The following CNTNAP2 variants were observed in gnomAD, a reference collection of about 807,000 sequenced individuals.
The protein encoded by CNTNAP2 is contactin associated protein 2, also known as contactin-associated protein-like 2.
Under a neutral mutation model 155.2 loss-of-function variants are expected in CNTNAP2, and 98 were observed. The observed-to-expected ratio is 0.63, with a 90% confidence interval of 0.54 to 0.75. CNTNAP2 has a LOEUF of 0.75. CNTNAP2 is among the 30% of genes least tolerant of loss of function. The pLI, the probability that CNTNAP2 is intolerant of heterozygous loss-of-function variation, is 0.00. For missense variants in CNTNAP2, 1,727 were observed against 1,688.1 expected (o/e 1.02, Z -0.40); for synonymous variants, 651 against 631.2 (o/e 1.03, Z -0.47).
chr7:147,724,516 G>A (rs1351043076), intron 13 of CNTNAP2, among the ~76,000 whole-genome samples: 1 of 152,024 alleles, frequency 6.6e-6, no homozygotes, highest in Non-Finnish European at 1.5e-5. Flanking sequence ...GCCTCTTTAA[G>A]TGACAGCTAG....
chr7:147,054,589 A>G (rs960374927), intron 4 of CNTNAP2, among the ~76,000 whole-genome samples: 3 of 152,182 alleles, frequency 2.0e-5, no homozygotes, highest in South Asian at 2.1e-4. Context: ...GCAAATATAT[A>G]TAAGTGATTC....
At chr7:146,136,236 C>G (rs1001276664) in intron 1 of CNTNAP2, among the ~76,000 whole-genome samples, 15 of 152,242 alleles carry the variant, frequency 9.9e-5, no homozygotes, top group South Asian at 4.1e-4. Context: ...ACATTGCATA[C>G]TGCCAGAAAT....
At chr7:147,549,146 T>G (rs556730885) in intron 11 of CNTNAP2, among the ~76,000 whole-genome samples, 1 of 152,302 alleles carries the variant, frequency 6.6e-6, no homozygotes, top group Non-Finnish European at 1.5e-5. Flanking sequence ...AGAATGTCAA[T>G]GGTAGTTTGA....
intron 3 of CNTNAP2, among the ~76,000 whole-genome samples, chr7:146,993,493 C>T (rs1035368600): frequency 1.3e-5 from 2 of 152,000 alleles, no homozygotes; most frequent in African/African-American, 4.8e-5. Context: ...GGTTTTTTTT[C>T]TATCTATTGG....
chr7:147,057,725 C>T (rs1425682563), intron 4 of CNTNAP2, among the ~76,000 whole-genome samples: 1 of 152,116 alleles, frequency 6.6e-6, no homozygotes, highest in Non-Finnish European at 1.5e-5. Flanking sequence ...TAAAGTGTCA[C>T]CTAGAAATCA....
At chr7:147,351,836 T>C (rs1041125851) in intron 9 of CNTNAP2, among the ~76,000 whole-genome samples, 6 of 151,898 alleles carry the variant, frequency 4.0e-5, no homozygotes, top group Non-Finnish European at 8.8e-5. Context: ...ATGAATCTGA[T>C]TCCCCAAGAC....
chr7:148,409,020 C>T (rs2116713806), intron 22 of CNTNAP2, among the ~76,000 whole-genome samples: 1 of 152,300 alleles, frequency 6.6e-6, no homozygotes, highest in East Asian at 1.9e-4. Context: ...TTGAATGCCA[C>T]CAGTTGTGCA....
intron 14 of CNTNAP2, among the ~76,000 whole-genome samples, chr7:147,961,028 G>T (rs1801111658): frequency 6.6e-6 from 1 of 152,106 alleles, no homozygotes; most frequent in Non-Finnish European, 1.5e-5. Context: ...GAAGTCCAGT[G>T]TATTCCCTTT....
intron 21 of CNTNAP2, among the ~76,000 whole-genome samples, chr7:148,382,646 C>T (rs1366269307): frequency 6.6e-6 from 1 of 152,184 alleles, no homozygotes; most frequent in African/African-American, 2.4e-5. Flanking sequence ...CCTGCCTCAG[C>T]GCCGGGGCAA....
rs540808798 is a variant in CNTNAP2 at position 146,246,215 on chromosome 7, T to G, written c.97+129242T>G. The stretch of plus-strand genomic sequence containing the variant: ...GGTCGCCAAGGAGGGAGTAGAAGTA[T>G]CTTATACTTGTGGGTTAAGGTGGGG... On this transcript the variant is annotated intron_variant, in intron 1 of 23. Transcript: ENST00000361727. Among the ~76,000 whole-genome samples, 235 of 150,840 alleles carry G rather than the reference T, an allele frequency of 1.6e-3. 1 individual carries two copies. The Middle Eastern group carries it at 0.028, about 18-fold the overall frequency.
chr7:146,207,181 T>C (rs1253199778), intron 1 of CNTNAP2, among the ~76,000 whole-genome samples: 1 of 152,022 alleles, frequency 6.6e-6, no homozygotes, highest in Non-Finnish European at 1.5e-5. Flanking sequence ...TTCTAATTTA[T>C]TGTGACCCCA....
intron 11 of CNTNAP2, among the ~76,000 whole-genome samples, chr7:147,558,688 C>T (rs995286326): frequency 1.0e-4 from 15 of 147,998 alleles, no homozygotes; most frequent in Non-Finnish European, 1.8e-4. Flanking sequence ...TTTTTTCCTT[C>T]GTTCGTTCTT....
At chr7:147,303,845 G>A (rs1794983642) in intron 9 of CNTNAP2, among the ~76,000 whole-genome samples, 1 of 152,132 alleles carries the variant, frequency 6.6e-6, no homozygotes, top group Admixed American at 6.5e-5. Flanking sequence ...GCCTCACAAG[G>A]AACACTGGAG....
At chr7:146,454,334 T>C (rs1248587488) in intron 1 of CNTNAP2, among the ~76,000 whole-genome samples, 2 of 152,182 alleles carry the variant, frequency 1.3e-5, no homozygotes, top group Non-Finnish European at 2.9e-5. Context: ...AGGTGACATA[T>C]AACAAATAAC....
chr7:147,314,193 ATGGGAAAATTTGAAGTGTTTT>A (rs1422254582), intron 9 of CNTNAP2, among the ~76,000 whole-genome samples: 21 of 152,288 alleles, frequency 1.4e-4, no homozygotes, highest in Admixed American at 3.9e-4. Flanking sequence ...TGAATATCTA[ATGGGAAAATTTGAAGTGTTTT>A]TGGGGAAATT....
At chr7:146,757,034 T>A (rs1037841799) in intron 1 of CNTNAP2, among the ~76,000 whole-genome samples, 1 of 152,136 alleles carries the variant, frequency 6.6e-6, no homozygotes, top group Non-Finnish European at 1.5e-5. Flanking sequence ...TAAGGATGCA[T>A]CATTTTTAAA....
intron 11 of CNTNAP2, among the ~76,000 whole-genome samples, chr7:147,507,153 G>A (rs571027727): frequency 8.6e-5 from 13 of 152,018 alleles, no homozygotes; most frequent in South Asian, 2.1e-4. Flanking sequence ...CTCTCTCCCC[G>A]CTCTGCTTCC....
intron 3 of CNTNAP2, among the ~76,000 whole-genome samples, chr7:146,860,749 G>GA (rs965432853): frequency 2.1e-3 from 314 of 146,292 alleles, no homozygotes; most frequent in Non-Finnish European, 3.3e-3. Flanking sequence ...TCTTGGAACA[G>GA]AAAAAAAAAA....
At chr7:147,781,659 G>A (rs1797662998) in intron 13 of CNTNAP2, among the ~76,000 whole-genome samples, 1 of 152,148 alleles carries the variant, frequency 6.6e-6, no homozygotes, top group Admixed American at 6.5e-5. Context: ...TTAGAACTTA[G>A]ATTAAATCTC....
Sources: allele counts gnomAD v4.1 joint callset (sites outside exome capture counted in the v4.1 genomes callset), GRCh38; gene constraint gnomAD v4.1.1; transcripts MANE v1.5; gene names NCBI Gene and HGNC (gene_info 2026-07-23, HGNC 2026-07-21).